CD247: variants seen among roughly 807,000 people sequenced by gnomAD.
CD247 encodes CD247 molecule, also known as T-cell surface glycoprotein CD3 zeta chain.
CD247 carries 13 observed loss-of-function variants against 30.0 expected under a neutral mutation model. That is an observed-to-expected ratio of 0.43 (90% confidence interval 0.28 to 0.69). The LOEUF (loss-of-function observed/expected upper bound fraction) is 0.69. CD247 is among the 30% of genes least tolerant of loss of function. The pLI, the probability that CD247 is intolerant of heterozygous loss-of-function variation, is 0.16. For synonymous variants in CD247, 72 were observed against 80.0 expected (o/e 0.90, Z 0.53); for missense variants, 193 against 212.6 (o/e 0.91, Z 0.57).
At chr1:167,501,102 T>C (rs1391772316) in intron 1 of CD247, among the ~76,000 whole-genome samples, 4 of 150,506 alleles carry the variant, frequency 2.7e-5, no homozygotes, top group Non-Finnish European at 5.9e-5. Context: ...TTGCCCAGGC[T>C]GGAGTGCAAT....
At chr1:167,518,069 A>C (rs532027943) in intron 1 of CD247, among the ~76,000 whole-genome samples, 2 of 152,268 alleles carry the variant, frequency 1.3e-5, no homozygotes, top group Admixed American at 1.3e-4. Flanking sequence ...GATCCTGTCC[A>C]GCTTCTGTGA....
chr1:167,442,552 G>A (rs78683571), intron 1 of CD247, among the ~76,000 whole-genome samples: 5,664 of 152,252 alleles, frequency 0.037, 365 homozygotes, highest in African/African-American at 0.13. Flanking sequence ...CTGAGGCACC[G>A]AGTATTCGGG....
At chr1:167,488,594 T>G (rs1290051028) in intron 1 of CD247, among the ~76,000 whole-genome samples, 1 of 152,140 alleles carries the variant, frequency 6.6e-6, no homozygotes, top group Non-Finnish European at 1.5e-5. Context: ...AACCGGATAT[T>G]GAAGGTTGAT....
intron 1 of CD247, among the ~76,000 whole-genome samples, chr1:167,487,528 G>T (rs1431922119): frequency 2.6e-5 from 4 of 152,202 alleles, no homozygotes; most frequent in Non-Finnish European, 4.4e-5. Flanking sequence ...GGCAGCCTCA[G>T]CCTGGCACCT....
rs944800715 is a variant in CD247, at chr1:167,431,386, G to A, written c.*295C>T. On this transcript the variant is annotated 3_prime_UTR_variant, in exon 8 of 8. Transcript: ENST00000362089. ...ACAACTCAGCTGTGAGAGGCAGTGC[G>A]CCCGCCTCCCAGGGAGAACGAGGAA... is the stretch of plus-strand genomic sequence containing the variant. 6.7e-5 allele frequency: 40 copies of A among 599,578 alleles called. No homozygotes were observed. Among genetic ancestry groups the A allele is most frequent in the Admixed American group, 1.2e-4 (4 of 33,928 alleles). The allele number at this position is 599,578 out of a possible 1,614,324, so 37.1% of individuals were successfully genotyped here. A position where few individuals can be genotyped will look rare whatever the true frequency, so the allele number is the denominator to read the frequency against.
intron 1 of CD247, among the ~76,000 whole-genome samples, chr1:167,499,214 C>T (rs1571589552): frequency 6.6e-6 from 1 of 152,178 alleles, no homozygotes; most frequent in Admixed American, 6.5e-5. Flanking sequence ...CTACTGTCAT[C>T]TAGTGGGTAG....
chr1:167,447,631 A>C (rs1256164101), intron 1 of CD247, among the ~76,000 whole-genome samples: 1 of 152,110 alleles, frequency 6.6e-6, no homozygotes, highest in Non-Finnish European at 1.5e-5. Context: ...ACTGCAATCC[A>C]AGTCCTGGTG....
intron 1 of CD247, among the ~76,000 whole-genome samples, chr1:167,490,153 G>A (rs985602885): frequency 2.0e-5 from 3 of 152,142 alleles, no homozygotes; most frequent in Non-Finnish European, 2.9e-5. Context: ...GACCTACGGC[G>A]GCGGAAAGAT....
chr1:167,473,126 C>CACACACACACACA (rs1558014513), intron 1 of CD247, among the ~76,000 whole-genome samples: 6 of 150,960 alleles, frequency 4.0e-5, no homozygotes, highest in African/African-American at 1.5e-4. Context: ...CACACACACA[C>CACACACACACACA]CCATCTGTAG....
intron 5 of CD247, chr1:167,434,351 G>C: frequency 1.9e-6 from 1 of 523,792 alleles, no homozygotes; most frequent in South Asian, 2.1e-5. Flanking sequence ...AAAGATAGGA[G>C]GTGGAGTTCT....
chr1:167,465,560 ACCT>A lies in CD247; in HGVS notation c.59-24796_59-24794del, dbSNP rs200510739. On this transcript the variant is annotated intron_variant, in intron 1 of 7. Coordinates refer to ENST00000362089, the MANE Select transcript of CD247 (RefSeq NM_198053.3). ...TGGCCAGGCTGGTCTTGAACTCCTG[ACCT>A]CAGGTGATCCATCTGCCTAGGCCTC... is the stretch of plus-strand genomic sequence containing the variant. Among the ~76,000 whole-genome samples, 264 of 152,006 alleles carry A rather than the reference ACCT, an allele frequency of 1.7e-3. 10 individuals are homozygous for A. In the East Asian group the frequency reaches 0.044, roughly 25 times the overall value.
At chr1:167,484,739 C>T (rs34177088) in intron 1 of CD247, among the ~76,000 whole-genome samples, 24,930 of 152,116 alleles carry the variant, frequency 0.16, 2,297 homozygotes, top group Admixed American at 0.29. Flanking sequence ...ATCGCGCCAC[C>T]GCAGTCCAGC....
intron 1 of CD247, among the ~76,000 whole-genome samples, chr1:167,454,836 G>A (rs1167440481): frequency 6.6e-6 from 1 of 152,190 alleles, no homozygotes; most frequent in Non-Finnish European, 1.5e-5. Context: ...AGGGGCGGAG[G>A]GGGAGCCAGG....
chr1:167,486,115 A>C (rs1654197030), intron 1 of CD247, among the ~76,000 whole-genome samples: 1 of 152,224 alleles, frequency 6.6e-6, no homozygotes, highest in African/African-American at 2.4e-5. Flanking sequence ...CAGCAAGAGA[A>C]CAGGCATTGT....
chr1:167,514,392 G>T (rs1440966757), intron 1 of CD247, among the ~76,000 whole-genome samples: 1 of 152,104 alleles, frequency 6.6e-6, no homozygotes, highest in Admixed American at 6.6e-5. Flanking sequence ...ACCCGTCTCG[G>T]CCTCCCAGAG....
At chr1:167,454,593 T>C (rs559174322) in intron 1 of CD247, among the ~76,000 whole-genome samples, 1 of 152,380 alleles carries the variant, frequency 6.6e-6, no homozygotes, top group East Asian at 1.9e-4. Flanking sequence ...ACGATAATGG[T>C]ATTTGGTGAA....
chr1:167,482,382 G>A (rs928108881), intron 1 of CD247, among the ~76,000 whole-genome samples: 3 of 152,356 alleles, frequency 2.0e-5, no homozygotes, highest in African/African-American at 7.2e-5. Flanking sequence ...TGAGAGTCAA[G>A]GCAGCTTCTT....
At chr1:167,461,955 T>C (rs2995088) in intron 1 of CD247, among the ~76,000 whole-genome samples, 101,435 of 152,110 alleles carry the variant, frequency 0.67, 36,373 homozygotes, top group Non-Finnish European at 0.81. Context: ...TAAATCACTC[T>C]GCATTCTTCA....
intron 1 of CD247, among the ~76,000 whole-genome samples, chr1:167,500,056 G>C (rs1654842893): frequency 6.6e-6 from 1 of 152,194 alleles, no homozygotes; most frequent in Non-Finnish European, 1.5e-5. Flanking sequence ...CCTATGTAAA[G>C]CTTCTCCTGG....
Sources: gnomAD v4.1 joint callset for allele counts (sites outside exome capture counted in the v4.1 genomes callset) on GRCh38, gnomAD v4.1.1 for gene constraint, MANE v1.5 for transcripts, NCBI Gene and HGNC (gene_info 2026-07-23, HGNC 2026-07-21) for gene names.